Variants in IQGAP2 observed in about 807,000 individuals in gnomAD.
The protein encoded by IQGAP2 is ras GTPase-activating-like protein IQGAP2.
IQGAP2 carries 173 observed loss-of-function variants against 201.3 expected under a neutral mutation model. That is an observed-to-expected ratio of 0.86 (90% CI 0.76 to 0.98). The LOEUF (loss-of-function observed/expected upper bound fraction) is 0.98, where lower values mean the gene tolerates loss of function less well. Ranked by LOEUF, IQGAP2 falls within the 50% of genes least tolerant of loss-of-function variation. The probability of loss-of-function intolerance (pLI) is 0.00; values close to 1 mark genes in which losing one functional copy is unlikely to be tolerated. For synonymous variants in IQGAP2, 675 were observed against 673.9 expected, an observed-to-expected ratio of 1.00 and a Z score of -0.03; for missense variants, 1,687 against 1,864.8, an observed-to-expected ratio of 0.90 and a Z score of 1.76.
intron 13 of IQGAP2, among the ~76,000 whole-genome samples, chr5:76,625,459 C>T (rs1750137316): frequency 6.6e-6 from 1 of 151,994 alleles, no homozygotes; most frequent in African/African-American, 2.4e-5. Context: ...TTTTTTTCCT[C>T]CTCTAGTCTT....
At chr5:76,424,522 G>A (rs1751894418) in intron 1 of IQGAP2, among the ~76,000 whole-genome samples, 1 of 151,920 alleles carries the variant, frequency 6.6e-6, no homozygotes, top group African/African-American at 2.4e-5. Flanking sequence ...GGTCAGGCTG[G>A]TCTCGAACTC....
At chr5:76,580,305 G>T (rs1331644491) in intron 5 of IQGAP2, among the ~76,000 whole-genome samples, 1 of 150,784 alleles carries the variant, frequency 6.6e-6, no homozygotes, top group Non-Finnish European at 1.5e-5. Context: ...AAGCATGGTG[G>T]CACACGCCTG....
At chr5:76,677,494 T>A in intron 28 of IQGAP2, 144 bp downstream of exon 28, 1 of 621,832 alleles carries the variant, frequency 1.6e-6, no homozygotes, top group Non-Finnish European at 2.6e-6. Context: ...CAATTATTTA[T>A]TCCATGACTC....
intron 14 of IQGAP2, among the ~76,000 whole-genome samples, chr5:76,631,122 G>T (rs1750671121): frequency 6.6e-6 from 1 of 151,966 alleles, no homozygotes; most frequent in Admixed American, 6.6e-5. Context: ...CATTTTTCTG[G>T]TTCTACTTTT....
Position 76,517,630 on chromosome 5 carries a change from A to G in IQGAP2, c.147-44766A>G, listed in dbSNP as rs1383658458. On this transcript the variant is annotated intron_variant, in intron 2 of 35. Transcript: ENST00000274364. ...AAAAAAAAAAAAAAAAAAAGTAAGT[A>G]TATAAGAAAGACACTGTAAAGCAGA... is the stretch of plus-strand genomic sequence containing the variant. Among the ~76,000 whole-genome samples the G allele has an allele frequency of 2.6e-5, 4 of 151,250 alleles. 1 individual carries two copies. Among genetic ancestry groups the G allele is most frequent in the Admixed American group, 2.6e-4 (4 of 15,194 alleles).
intron 2 of IQGAP2, among the ~76,000 whole-genome samples, chr5:76,505,223 T>C (rs1438250663): frequency 6.6e-6 from 1 of 152,210 alleles, no homozygotes; most frequent in Admixed American, 6.5e-5. Flanking sequence ...GATATTTGTC[T>C]AGTGAAGGAA....
intron 2 of IQGAP2, among the ~76,000 whole-genome samples, chr5:76,473,077 A>G (rs2150136914): frequency 6.6e-6 from 1 of 152,390 alleles, no homozygotes; most frequent in South Asian, 2.1e-4. Flanking sequence ...AACAGGCGAC[A>G]GCAACAGTAT....
intron 13 of IQGAP2, chr5:76,617,525 G>T: frequency 7.3e-7 from 1 of 1,377,296 alleles, no homozygotes; most frequent in Non-Finnish European, 1.0e-6. Context: ...TGCTTATGTT[G>T]TTCTTGAAAA....
intron 27 of IQGAP2, among the ~76,000 whole-genome samples, chr5:76,675,731 T>C (rs1419768550): frequency 1.3e-5 from 2 of 152,202 alleles, no homozygotes; most frequent in Non-Finnish European, 2.9e-5. Context: ...AGTGAGTGAC[T>C]TACTAGAAAA....
At chr5:76,628,626 T>A (rs1750446126) in intron 14 of IQGAP2, 1 of 425,656 alleles carries the variant, frequency 2.3e-6, no homozygotes, top group Admixed American at 2.9e-5. Context: ...ATAATTAGAA[T>A]CTATTCTGTT....
intron 20 of IQGAP2, among the ~76,000 whole-genome samples, chr5:76,656,831 A>T (rs116175723): frequency 1.1e-3 from 160 of 152,206 alleles, no homozygotes; most frequent in African/African-American, 3.7e-3. Context: ...TAACCAAAAC[A>T]TAAATTTTCA....
At chr5:76,490,301 C>T (rs1420547127) in intron 2 of IQGAP2, among the ~76,000 whole-genome samples, 1 of 152,086 alleles carries the variant, frequency 6.6e-6, no homozygotes, top group Non-Finnish European at 1.5e-5. Flanking sequence ...GCAGTATTCT[C>T]AGGAATTTTA....
chr5:76,551,966 C>G (rs1453787021), intron 2 of IQGAP2, among the ~76,000 whole-genome samples: 1 of 151,880 alleles, frequency 6.6e-6, no homozygotes, highest in Non-Finnish European at 1.5e-5. Flanking sequence ...CTTTTGAGGC[C>G]TTGGACAATG....
chr5:76,644,205 T>G lies in IQGAP2; in HGVS notation c.2094+3102T>G, dbSNP rs191254672. 1.1e-4 allele frequency among the ~76,000 whole-genome samples: 16 copies of G among 151,340 alleles called. 1 individual carries two copies. The East Asian group carries it at 2.1e-3, about 20-fold the overall frequency. On this transcript the variant is annotated intron_variant, in intron 17 of 35. Transcript: ENST00000274364. Reference sequence around the variant, plus strand: ...TGCACAGAAAATATATTTATGGTACTAGAAAACAAAACAAATAAGATGGCT... The same window carrying G: ...TGCACAGAAAATATATTTATGGTACGAGAAAACAAAACAAATAAGATGGCT...
intron 2 of IQGAP2, among the ~76,000 whole-genome samples, chr5:76,541,464 G>A (rs1392429284): frequency 1.3e-5 from 2 of 152,096 alleles, no homozygotes; most frequent in South Asian, 2.1e-4. Flanking sequence ...TCCATGTTTT[G>A]GTGATCATGA....
At chr5:76,646,922 C>A (rs1752086766) in intron 17 of IQGAP2, among the ~76,000 whole-genome samples, 2 of 152,018 alleles carry the variant, frequency 1.3e-5, no homozygotes, top group Admixed American at 6.6e-5. Flanking sequence ...GAAAACTTAT[C>A]AATTTTATAT....
intron 32 of IQGAP2, among the ~76,000 whole-genome samples, chr5:76,696,622 G>A (rs780022385): frequency 6.6e-6 from 1 of 152,040 alleles, no homozygotes; most frequent in Non-Finnish European, 1.5e-5. Context: ...AGGGAAATGC[G>A]CTCAGCTTTG....
intron 1 of IQGAP2, among the ~76,000 whole-genome samples, chr5:76,419,199 A>G (rs1751579646): frequency 6.6e-6 from 1 of 152,076 alleles, no homozygotes; most frequent in Non-Finnish European, 1.5e-5. Context: ...GTACATTGGC[A>G]TGATATTGGC....
At chr5:76,681,567 G>T (rs1024569345) in intron 28 of IQGAP2, among the ~76,000 whole-genome samples, 1 of 151,768 alleles carries the variant, frequency 6.6e-6, no homozygotes, top group Non-Finnish European at 1.5e-5. Flanking sequence ...TGTTGAGAAG[G>T]ATGTGAAGAA....
Sources: gnomAD v4.1 joint callset for allele counts (sites outside exome capture counted in the v4.1 genomes callset) on GRCh38, gnomAD v4.1.1 for gene constraint, MANE v1.5 for transcripts, NCBI Gene and HGNC (gene_info 2026-07-23, HGNC 2026-07-21) for gene names.